PLCL1: variants seen among roughly 807,000 people sequenced by gnomAD.
The protein encoded by PLCL1 is phospholipase C like 1 (inactive).
A neutral mutation model predicts 84.4 loss-of-function variants in PLCL1; 41 were observed. The observed-to-expected ratio is 0.49, with a 90% confidence interval of 0.38 to 0.63. The LOEUF (loss-of-function observed/expected upper bound fraction) is 0.63. PLCL1 is among the 30% of genes least tolerant of loss of function. PLCL1 has a pLI of 0.00. For synonymous variants in PLCL1, 490 were observed against 488.3 expected, an observed-to-expected ratio of 1.00 and a Z score of -0.05; for missense variants, 1,206 against 1,367.8, an observed-to-expected ratio of 0.88 and a Z score of 1.87.
In PLCL1 at chr2:198,046,230, A is replaced by T. The variant is rs549767643; in HGVS notation, c.241-37528A>T. Among the ~76,000 whole-genome samples the T allele has an allele frequency of 2.0e-5, 3 of 152,324 alleles. No individual in the cohort carries two copies. In the East Asian group the frequency reaches 5.8e-4, roughly 29 times the overall value. On this transcript the variant is annotated intron_variant, in intron 1 of 5. Coordinates refer to ENST00000428675, the MANE Select transcript of PLCL1 (RefSeq NM_006226.4). ...GGAGCTATCTAGACTGCGAAGCCTA[A>T]AATATTAGTATCTAGCTCTTTACTG...
chr2:197,833,431 A>G (rs187244197), intron 1 of PLCL1, among the ~76,000 whole-genome samples: 271 of 152,304 alleles, frequency 1.8e-3, no homozygotes, highest in Middle Eastern at 3.4e-3. Context: ...AGAAAACCCC[A>G]TCTTCTCTGC....
intron 1 of PLCL1, among the ~76,000 whole-genome samples, chr2:197,816,242 G>C (rs1450069882): frequency 2.6e-5 from 4 of 152,050 alleles, no homozygotes; most frequent in Non-Finnish European, 4.4e-5. Context: ...GCAGCAAAAA[G>C]ATTATGACTG....
intron 1 of PLCL1, among the ~76,000 whole-genome samples, chr2:197,853,487 C>G (rs1025403643): frequency 1.3e-5 from 2 of 152,138 alleles, no homozygotes; most frequent in Non-Finnish European, 2.9e-5. Flanking sequence ...CTGTGCCTCA[C>G]CTTCCTTATT....
intron 1 of PLCL1, among the ~76,000 whole-genome samples, chr2:197,970,969 T>A (rs981271470): frequency 3.3e-5 from 5 of 152,248 alleles, no homozygotes; most frequent in African/African-American, 1.2e-4. Context: ...GATAATTGAA[T>A]ATCATATTGT....
chr2:198,149,144 T>C lies in PLCL1; in HGVS notation c.*2182T>C, dbSNP rs1694589235. The C allele has an allele frequency of 6.6e-6, 1 of 152,284 alleles. No individual in the cohort carries two copies. The highest frequency in any genetic ancestry group is 2.4e-5 in the African/African-American group (1 of 41,424). 9.4% of individuals were successfully genotyped at this position (152,284 alleles called of 1,614,324 possible). ...AAGGGAAAAGTCTCCTAGTCTCCTG[T>C]GATGTTCCTGCCTCCAGATAGAATA... is the stretch of plus-strand genomic sequence containing the variant. On this transcript the variant is annotated 3_prime_UTR_variant, in exon 6 of 6. Coordinates refer to ENST00000428675, the MANE Select transcript of PLCL1 (RefSeq NM_006226.4).
chr2:197,822,031 T>C (rs1472026201), intron 1 of PLCL1, among the ~76,000 whole-genome samples: 2 of 152,120 alleles, frequency 1.3e-5, no homozygotes, highest in South Asian at 2.1e-4. Flanking sequence ...GGCTTCAAAA[T>C]GATGTCTCAC....
chr2:197,887,954 C>T (rs942612444), intron 1 of PLCL1, among the ~76,000 whole-genome samples: 11 of 151,774 alleles, frequency 7.2e-5, no homozygotes, highest in South Asian at 2.1e-4. Context: ...AAATTAAGTG[C>T]GGTGGTGTGT....
chr2:197,929,341 G>T (rs984298568), intron 1 of PLCL1, among the ~76,000 whole-genome samples: 1 of 152,162 alleles, frequency 6.6e-6, no homozygotes, highest in Non-Finnish European at 1.5e-5. Flanking sequence ...CTAGAAGGAA[G>T]CTCCACCTTC....
At chr2:197,883,088 T>C (rs72922413) in intron 1 of PLCL1, among the ~76,000 whole-genome samples, 1 of 152,284 alleles carries the variant, frequency 6.6e-6, no homozygotes, top group Non-Finnish European at 1.5e-5. Flanking sequence ...ATTCTAGACA[T>C]TGCAGATGTT....
At chr2:198,101,974 A>T (rs546563311) in intron 4 of PLCL1, among the ~76,000 whole-genome samples, 1 of 152,050 alleles carries the variant, frequency 6.6e-6, no homozygotes, top group Non-Finnish European at 1.5e-5. Flanking sequence ...TACATTGCAT[A>T]TGCTATACCA....
At chr2:198,032,562 A>C (rs561573944) in intron 1 of PLCL1, among the ~76,000 whole-genome samples, 1 of 151,942 alleles carries the variant, frequency 6.6e-6, no homozygotes, top group East Asian at 1.9e-4. Context: ...ATAAATTAAC[A>C]TTTTTTTTAG....
chr2:198,078,810 T>C (rs757569542), intron 1 of PLCL1, among the ~76,000 whole-genome samples: 18 of 152,174 alleles, frequency 1.2e-4, no homozygotes, highest in Non-Finnish European at 2.5e-4. Flanking sequence ...AGCTTGGGCT[T>C]GGTATTTCCT....
At chr2:197,898,072 A>T (rs931708655) in intron 1 of PLCL1, among the ~76,000 whole-genome samples, 1 of 152,214 alleles carries the variant, frequency 6.6e-6, no homozygotes, top group Non-Finnish European at 1.5e-5. Flanking sequence ...GCGTCTGTCC[A>T]GTTTGAGAAG....
intron 1 of PLCL1, among the ~76,000 whole-genome samples, chr2:197,849,004 T>G (rs1352192599): frequency 6.6e-6 from 1 of 152,126 alleles, no homozygotes; most frequent in Non-Finnish European, 1.5e-5. Context: ...ATGCCCTAGG[T>G]GCTAAGTGAA....
intron 1 of PLCL1, among the ~76,000 whole-genome samples, chr2:197,941,193 G>A (rs959875120): frequency 1.3e-5 from 2 of 152,102 alleles, no homozygotes; most frequent in African/African-American, 4.8e-5. Flanking sequence ...CCAAAGAGAG[G>A]AACCAAATTA....
intron 1 of PLCL1, among the ~76,000 whole-genome samples, chr2:197,986,039 G>A (rs1471294411): frequency 6.6e-6 from 1 of 152,226 alleles, no homozygotes; most frequent in Admixed American, 6.5e-5. Context: ...TTCAGTTTCA[G>A]AGTGGGGAGA....
chr2:198,142,940 A>G (rs1388517707), intron 5 of PLCL1, among the ~76,000 whole-genome samples: 1 of 151,854 alleles, frequency 6.6e-6, no homozygotes, highest in Non-Finnish European at 1.5e-5. Context: ...TTAATTCTGC[A>G]TTTCATGCCA....
At chr2:198,030,961 G>A (rs1017702625) in intron 1 of PLCL1, among the ~76,000 whole-genome samples, 1 of 152,104 alleles carries the variant, frequency 6.6e-6, no homozygotes. Context: ...TTTATTCAAA[G>A]GTTCAAAATT....
rs1691686974 is a variant in PLCL1, at chr2:198,042,405, C to T, written c.241-41353C>T. Among the ~76,000 whole-genome samples, 14 of 152,156 alleles carry T rather than the reference C, an allele frequency of 9.2e-5. 1 individual carries two copies. The South Asian group carries it at 2.7e-3, about 29-fold the overall frequency. On this transcript the variant is annotated intron_variant, in intron 1 of 5. Coordinates refer to ENST00000428675, the MANE Select transcript of PLCL1 (RefSeq NM_006226.4). ...TTTTAGAAAGGTTAATCTGCAATAG[C>T]ACACCAGCTGAACCGGAAGGTGATG...
Sources: allele counts gnomAD v4.1 joint callset (sites outside exome capture counted in the v4.1 genomes callset), GRCh38; gene constraint gnomAD v4.1.1; transcripts MANE v1.5; gene names NCBI Gene and HGNC (gene_info 2026-07-23, HGNC 2026-07-21).